The following CECR2 variants were observed in gnomAD, a reference collection of about 807,000 sequenced individuals.
CECR2 encodes CECR2 histone acetyl-lysine reader, also known as chromatin remodeling regulator CECR2.
CECR2 carries 30 observed loss-of-function variants against 154.5 expected under a neutral mutation model. The ratio of observed to expected loss-of-function variants is 0.19; its 90% CI spans 0.15 to 0.26. The LOEUF (loss-of-function observed/expected upper bound fraction) is 0.26, where lower values mean the gene tolerates loss of function less well. Among genes scored for constraint, CECR2 ranks in the 10% least tolerant of loss-of-function variants. The probability of loss-of-function intolerance (pLI) is 1.00; values close to 1 mark genes in which losing one functional copy is unlikely to be tolerated. For missense variants in CECR2, 1,743 were observed against 1,829.3 expected (o/e 0.95, Z 0.86); for synonymous variants, 725 against 683.7 (o/e 1.06, Z -0.94).
intron 1 of CECR2, among the ~76,000 whole-genome samples, chr22:17,430,400 A>G (rs780053932): frequency 1.7e-4 from 26 of 152,012 alleles, no homozygotes; most frequent in Non-Finnish European, 3.5e-4. Context: ...CATCTGGCAC[A>G]CTTATTCTAC....
intron 1 of CECR2, among the ~76,000 whole-genome samples, chr22:17,404,228 C>A (rs867621844): frequency 3.5e-5 from 5 of 144,602 alleles, no homozygotes; most frequent in Admixed American, 1.4e-4. Context: ...CACTGCACTC[C>A]GGCCTGGATG....
At chr22:17,445,471 C>A (rs116241146) in intron 1 of CECR2, among the ~76,000 whole-genome samples, 3,270 of 151,960 alleles carry the variant, frequency 0.022, 118 homozygotes, top group African/African-American at 0.075. Flanking sequence ...TACCAAAATT[C>A]GTGGATGCTC....
chr22:17,497,276 C>T (rs1048672089), intron 2 of CECR2, 127 bp from the exon 3 acceptor site: 12 of 872,466 alleles, frequency 1.4e-5, no homozygotes, highest in South Asian at 7.2e-5. Flanking sequence ...GATGACAGAG[C>T]GAGACCCTGT....
chr22:17,481,136 A>G (rs1167824850), intron 2 of CECR2, among the ~76,000 whole-genome samples: 4 of 149,808 alleles, frequency 2.7e-5, no homozygotes, highest in Non-Finnish European at 5.9e-5. Context: ...GAGGTCAGGA[A>G]ATCAAGACCA....
At chr22:17,488,989 T>A (rs2055475592) in intron 2 of CECR2, among the ~76,000 whole-genome samples, 1 of 152,242 alleles carries the variant, frequency 6.6e-6, no homozygotes, top group Non-Finnish European at 1.5e-5. Flanking sequence ...TTTGCTCTTT[T>A]TGCCCAGGCT....
At chr22:17,387,410 A>G (rs2063276015) in intron 1 of CECR2, among the ~76,000 whole-genome samples, 1 of 152,212 alleles carries the variant, frequency 6.6e-6, no homozygotes, top group Non-Finnish European at 1.5e-5. Context: ...TAGCGTGGAA[A>G]AGAAGCTGAA....
intron 9 of CECR2, among the ~76,000 whole-genome samples, chr22:17,527,319 A>G (rs985360244): frequency 1.3e-5 from 2 of 152,096 alleles, no homozygotes; most frequent in Non-Finnish European, 1.5e-5. Context: ...TTAACCGAGC[A>G]TGGTTGTTCA....
In CECR2 at chr22:17,375,494, C is replaced by T. The variant is rs113998339; in HGVS notation, c.126+5585C>T. Among the ~76,000 whole-genome samples, 1,396 of 152,152 alleles carry T rather than the reference C, an allele frequency of 9.2e-3. 22 individuals are homozygous for T. The highest frequency in any genetic ancestry group is 0.032 in the African/African-American group (1,318 of 41,496). On this transcript the variant is annotated intron_variant, in intron 1 of 18. Coordinates refer to ENST00000262608, the MANE Select transcript of CECR2 (RefSeq NM_001290047.2). Reference sequence around the variant, plus strand: ...GGTTGTGAACATAATAGAGAAATACCTGCTTGCTTTTTAGTGCAATGAGAC... The same window carrying T: ...GGTTGTGAACATAATAGAGAAATACTTGCTTGCTTTTTAGTGCAATGAGAC...
intron 1 of CECR2, among the ~76,000 whole-genome samples, chr22:17,374,913 T>C (rs2063099803): frequency 6.6e-6 from 1 of 152,052 alleles, no homozygotes; most frequent in Non-Finnish European, 1.5e-5. Context: ...AAATTCTGCC[T>C]GTTTCTACCA....
chr22:17,456,377 A>C (rs1024073897), intron 1 of CECR2, among the ~76,000 whole-genome samples: 1 of 152,260 alleles, frequency 6.6e-6, no homozygotes, highest in Non-Finnish European at 1.5e-5. Context: ...CTAAGAGGTG[A>C]AAAGGCAATA....
intron 1 of CECR2, among the ~76,000 whole-genome samples, chr22:17,471,717 T>C (rs2055130431): frequency 6.6e-6 from 1 of 152,072 alleles, no homozygotes; most frequent in Non-Finnish European, 1.5e-5. Context: ...TGCATTTTAG[T>C]AGAGACAGGG....
At chr22:17,497,916 A>G (rs974829158) in intron 3 of CECR2, among the ~76,000 whole-genome samples, 6 of 152,118 alleles carry the variant, frequency 3.9e-5, no homozygotes, top group African/African-American at 1.4e-4. Context: ...TAAATCCGCC[A>G]CTGAGTTTTA....
intron 7 of CECR2, among the ~76,000 whole-genome samples, chr22:17,508,426 T>C (rs1395871174): frequency 2.6e-5 from 4 of 152,164 alleles, no homozygotes; most frequent in Admixed American, 6.6e-5. Context: ...CTGCACCTTT[T>C]CTATTTATGT....
chr22:17,403,914 G>A (rs2053934226), intron 1 of CECR2, among the ~76,000 whole-genome samples: 1 of 152,014 alleles, frequency 6.6e-6, no homozygotes, highest in Non-Finnish European at 1.5e-5. Flanking sequence ...ATCGAAGTTG[G>A]TGGGGTTTTT....
chr22:17,516,116 T>C (rs174297), intron 8 of CECR2, among the ~76,000 whole-genome samples: 30,654 of 152,018 alleles, frequency 0.2, 3,571 homozygotes, highest in Non-Finnish European at 0.26. Context: ...CACTTGAATT[T>C]CTATGTTACC....
intron 1 of CECR2, among the ~76,000 whole-genome samples, chr22:17,392,509 C>T (rs999543411): frequency 6.6e-6 from 1 of 151,624 alleles, no homozygotes. Flanking sequence ...TAAAATAAAA[C>T]AAAACCAGGC....
At chr22:17,467,961 T>C (rs2055062032) in intron 1 of CECR2, among the ~76,000 whole-genome samples, 1 of 152,236 alleles carries the variant, frequency 6.6e-6, no homozygotes, top group Non-Finnish European at 1.5e-5. Context: ...ATATGGTCTG[T>C]ATACTGTCCC....
chr22:17,475,767 T>C (rs2146787546), intron 1 of CECR2, among the ~76,000 whole-genome samples: 1 of 152,250 alleles, frequency 6.6e-6, no homozygotes, highest in African/African-American at 2.4e-5. Flanking sequence ...GCTTAAAACA[T>C]GAGCCATTCA....
intron 1 of CECR2, chr22:17,419,022 C>T (rs2054197957): frequency 5.9e-6 from 1 of 168,424 alleles, no homozygotes; most frequent in Admixed American, 6.0e-5. Context: ...GGGCCCTGGC[C>T]AAGGGCACCG....
Sources: gnomAD v4.1 joint callset for allele counts (sites outside exome capture counted in the v4.1 genomes callset) on GRCh38, gnomAD v4.1.1 for gene constraint, MANE v1.5 for transcripts, NCBI Gene and HGNC (gene_info 2026-07-23, HGNC 2026-07-21) for gene names.